The following ITGAE variants were observed in gnomAD, a reference collection of about 807,000 sequenced individuals.
ITGAE encodes the protein integrin alpha-E.
In ITGAE, 99 loss-of-function variants were observed where a neutral mutation model predicts 136.5. That is an observed-to-expected ratio of 0.73 (90% CI 0.62 to 0.86). The LOEUF is 0.86. Among genes scored for constraint, ITGAE ranks in the 40% least tolerant of loss-of-function variants. The pLI, the probability that ITGAE is intolerant of heterozygous loss-of-function variation, is 0.00. For missense variants in ITGAE, 1,447 were observed against 1,515.3 expected, an observed-to-expected ratio of 0.95 and a Z score of 0.75; for synonymous variants, 613 against 591.8, an observed-to-expected ratio of 1.04 and a Z score of -0.52.
intron 8 of ITGAE, among the ~76,000 whole-genome samples, chr17:3,759,129 A>AC (rs1052725532): frequency 1.5e-5 from 2 of 129,084 alleles, no homozygotes; most frequent in African/African-American, 5.2e-5. Context: ...CATCTCAAAA[A>AC]AAAAAACAAA....
rs369156347 is a variant in ITGAE at position 3,781,650 on chromosome 17, C to T, written c.35-3990G>A. Among the ~76,000 whole-genome samples the T allele has an allele frequency of 1.4e-4, 22 of 152,264 alleles. No homozygotes were observed. In the South Asian group the frequency reaches 4.1e-3, roughly 29 times the overall value. ...GGGATTACAGGCGTGAGCCAAGGCCCGGTCTCTTCTTTAATTTCTTATGTT... is the reference window on the plus strand; with the variant it reads ...GGGATTACAGGCGTGAGCCAAGGCCTGGTCTCTTCTTTAATTTCTTATGTT... On this transcript the variant is annotated intron_variant, in intron 1 of 30. Transcript: ENST00000263087.
chr17:3,758,158 T>A (rs1209043339), intron 8 of ITGAE, among the ~76,000 whole-genome samples: 1 of 152,258 alleles, frequency 6.6e-6, no homozygotes, highest in Non-Finnish European at 1.5e-5. Context: ...AATACTCACA[T>A]GGCACTTATC....
intron 2 of ITGAE, among the ~76,000 whole-genome samples, chr17:3,765,442 G>A (rs990001926): frequency 4.7e-5 from 7 of 150,532 alleles, no homozygotes; most frequent in Middle Eastern, 3.5e-3. Context: ...ATGAGATACC[G>A]TCTCCACTTC....
rs375712494 is a variant in ITGAE, at chr17:3,797,424, T to C, written c.34+3687A>G. On this transcript the variant is annotated intron_variant, in intron 1 of 30. Transcript: ENST00000263087. The stretch of plus-strand genomic sequence containing the variant: ...TCATGATCTGCCCACCTTGGCCTCC[T>C]AAAGTGCTGGGATTACAGGCTTGAG... Among the ~76,000 whole-genome samples, 672 of 149,128 alleles carry C rather than the reference T, an allele frequency of 4.5e-3. 6 individuals carry two copies. Among genetic ancestry groups the C allele is most frequent in the East Asian group, 0.044 (218 of 4,980 alleles).
rs529218313 is a variant in ITGAE at position 3,797,586 on chromosome 17, A to G, written c.34+3525T>C. Among the ~76,000 whole-genome samples the G allele has an allele frequency of 1.5e-4, 23 of 150,048 alleles. No homozygotes were observed. In the East Asian group the frequency reaches 4.1e-3, roughly 27 times the overall value. ...AGCAATTCTCCTGCCTCAGCCTCCC[A>G]AGTAGCTGGAATTACAGGTGCGCAC... On this transcript the variant is annotated intron_variant, in intron 1 of 30. Transcript: ENST00000263087.
intron 6 of ITGAE, among the ~76,000 whole-genome samples, chr17:3,760,538 C>A (rs1480984472): frequency 7.2e-6 from 1 of 138,588 alleles, no homozygotes; most frequent in Non-Finnish European, 1.5e-5. Flanking sequence ...CTCCCGGGTT[C>A]AAGCAATCCT....
At chr17:3,761,653 C>A in intron 4 of ITGAE, 133 bp from the exon 5 acceptor site, 2 of 825,718 alleles carry the variant, frequency 2.4e-6, no homozygotes, top group Non-Finnish European at 3.8e-6. Context: ...TGGCCCACCC[C>A]TCACCGGGTG....
chr17:3,763,885 G>C lies in ITGAE; in HGVS notation c.231C>G (p.Ile77Met), dbSNP rs767008911. The C allele has an allele frequency of 6.2e-7, 1 of 1,613,794 alleles. No homozygotes were observed. The highest frequency in any genetic ancestry group is 8.5e-7 in the Non-Finnish European group (1 of 1,179,828). The part of the protein sequence containing the change: ...LHRCSLVQDE[I>M]LCHPVEHVPI... Reference sequence around the variant, plus strand: ...CTGACTTACCTACAGGATGGCAAAGGATTTCATCCTGGACAAGGGAACATC... The same window carrying C: ...CTGACTTACCTACAGGATGGCAAAGCATTTCATCCTGGACAAGGGAACATC... The change falls in exon 3 of 31, where the codon ATC (isoleucine) becomes ATG (methionine). Residue 77 changes from isoleucine to methionine, a missense_variant. By Grantham distance (10) the Ile-to-Met change is conservative. Coordinates refer to ENST00000263087, the MANE Select transcript of ITGAE (RefSeq NM_002208.5).
intron 1 of ITGAE, among the ~76,000 whole-genome samples, chr17:3,795,226 T>C (rs1192092958): frequency 2.6e-5 from 4 of 152,174 alleles, no homozygotes; most frequent in African/African-American, 7.2e-5. Flanking sequence ...ATCAGGGTGA[T>C]CTGTGATTCA....
intron 26 of ITGAE, among the ~76,000 whole-genome samples, chr17:3,727,002 T>C (rs571370277): frequency 2.3e-4 from 35 of 152,056 alleles, no homozygotes; most frequent in African/African-American, 8.2e-4. Context: ...TGCTGGGTGA[T>C]TACAGGAGTG....
intron 26 of ITGAE, chr17:3,724,864 G>T: frequency 6.2e-7 from 1 of 1,613,948 alleles, no homozygotes; most frequent in Non-Finnish European, 8.5e-7. Context: ...GAGGCCGTCC[G>T]GAGAGAGCAT....
At position 3,799,320 on chromosome 17, in the gene ITGAE, C is replaced by T. The variant is rs187821480; in HGVS notation, c.34+1791G>A. On this transcript the variant is annotated intron_variant, in intron 1 of 30. Transcript: ENST00000263087. This position sits in a 1 kb window ranked among gnomAD's most constrained non-coding sequence, Gnocchi z 4.1. ...GGGGGCCCTGCTCTGGTCCCCTTCC[C>T]GTGGCTGAGCTGAGCTGTGGGCTAA... Among the ~76,000 whole-genome samples, 883 of 152,288 alleles carry T rather than the reference C, an allele frequency of 5.8e-3. 3 individuals are homozygous for T. Among genetic ancestry groups the T allele is most frequent in the Non-Finnish European group, 9.1e-3 (619 of 68,018 alleles).
At chr17:3,784,057 A>G (rs370890241) in intron 1 of ITGAE, among the ~76,000 whole-genome samples, 4,249 of 152,092 alleles carry the variant, frequency 0.028, 59 homozygotes, top group Non-Finnish European at 0.032. Flanking sequence ...TCAGGAGATC[A>G]AGACCATCCT....
rs991793845 is a variant in ITGAE, at chr17:3,758,959, A to C, written c.866+443T>G. Among the ~76,000 whole-genome samples the C allele has an allele frequency of 7.3e-4, 110 of 151,696 alleles. 1 individual carries two copies. Among genetic ancestry groups the C allele is most frequent in the African/African-American group, 2.4e-3 (98 of 41,416 alleles). ...GCTAACATGGTGAAACCCCACCTCT[A>C]TTAGAAATATAAAAAATTAACTGGG... On this transcript the variant is annotated intron_variant, in intron 8 of 30. Coordinates refer to ENST00000263087, the MANE Select transcript of ITGAE (RefSeq NM_002208.5).
chr17:3,728,871 A>G (rs1031582609), intron 24 of ITGAE, among the ~76,000 whole-genome samples: 3 of 151,574 alleles, frequency 2.0e-5, no homozygotes, highest in African/African-American at 7.3e-5. Context: ...CGTCTCTATT[A>G]AAAATTTTTT....
chr17:3,754,521 C>A (rs2051952629), intron 12 of ITGAE: 1 of 154,000 alleles, frequency 6.5e-6, no homozygotes, highest in Admixed American at 6.5e-5. Flanking sequence ...CCGCATCGGC[C>A]TCCTGGGATT....
intron 5 of ITGAE, 85 bp from the exon 6 acceptor site, chr17:3,761,262 C>G: frequency 6.4e-7 from 1 of 1,555,272 alleles, no homozygotes; most frequent in Non-Finnish European, 8.7e-7. Context: ...TGCCCTGATT[C>G]CTTTCACGTG....
chr17:3,765,463 A>G (rs2052276953), intron 2 of ITGAE, among the ~76,000 whole-genome samples: 1 of 151,962 alleles, frequency 6.6e-6, no homozygotes, highest in South Asian at 2.1e-4. Context: ...CTCAACTCCT[A>G]TCACTCTACA....
At chr17:3,723,577 GC>G in intron 27 of ITGAE, 110 bp downstream of exon 27, 5 of 1,204,216 alleles carry the variant, frequency 4.2e-6, no homozygotes, top group Non-Finnish European at 3.5e-6. Context: ...GGGCCTGGCA[GC>G]CCCCGGCACT....
Sources: gnomAD v4.1 joint callset for allele counts (sites outside exome capture counted in the v4.1 genomes callset) on GRCh38, gnomAD v4.1.1 for gene constraint, Gnocchi (gnomAD v3.1) non-coding constraint, MANE v1.5 for transcripts, NCBI Gene and HGNC (gene_info 2026-07-23, HGNC 2026-07-21) for gene names.